CADM2: variants seen among roughly 807,000 people sequenced by gnomAD.
CADM2 encodes the protein immunoglobulin superfamily member 4D.
Under a neutral mutation model 49.8 loss-of-function variants are expected in CADM2, and 12 were observed. The observed-to-expected ratio is 0.24, with a 90% confidence interval of 0.15 to 0.39. The LOEUF is 0.39. Among genes scored for constraint, CADM2 ranks in the 10% least tolerant of loss-of-function variants. The pLI is 1.00. For missense variants in CADM2, 378 were observed against 492.3 expected, an observed-to-expected ratio of 0.77 and a Z score of 2.20; for synonymous variants, 214 against 175.4, an observed-to-expected ratio of 1.22 and a Z score of -1.74.
intron 3 of CADM2, among the ~76,000 whole-genome samples, chr3:85,819,898 T>C (rs549639303): frequency 6.6e-6 from 1 of 152,132 alleles, no homozygotes; most frequent in Non-Finnish European, 1.5e-5. Context: ...GAACATATGG[T>C]TTGTCTGAGA....
chr3:85,280,651 TA>T (rs1302314965), intron 1 of CADM2, among the ~76,000 whole-genome samples: 5 of 151,898 alleles, frequency 3.3e-5, no homozygotes, highest in South Asian at 2.1e-4. Flanking sequence ...GTTTTTTATT[TA>T]AAAAAACTTA....
chr3:85,055,585 T>C (rs1470897522), intron 1 of CADM2, among the ~76,000 whole-genome samples: 1 of 152,102 alleles, frequency 6.6e-6, no homozygotes, highest in Admixed American at 6.6e-5. Context: ...ATTATTGAGC[T>C]TTTATGATAG....
At chr3:85,482,082 A>T (rs1423752794) in intron 1 of CADM2, among the ~76,000 whole-genome samples, 1 of 151,744 alleles carries the variant, frequency 6.6e-6, no homozygotes, top group African/African-American at 2.4e-5. Context: ...AGAAAAAAAT[A>T]CTTGGTTATT....
chr3:85,031,496 ATTTC>A (rs1198999128), intron 1 of CADM2, among the ~76,000 whole-genome samples: 3 of 151,802 alleles, frequency 2.0e-5, no homozygotes, highest in Admixed American at 1.3e-4. Context: ...ATCTTCAGAT[ATTTC>A]TTTATTATTA....
chr3:85,562,088 G>A (rs1464941627), intron 1 of CADM2, among the ~76,000 whole-genome samples: 2 of 152,044 alleles, frequency 1.3e-5, no homozygotes, highest in Non-Finnish European at 2.9e-5. Flanking sequence ...GCTAGGTAAC[G>A]TTCACTAAGC....
chr3:85,385,528 T>C (rs1343704572), intron 1 of CADM2, among the ~76,000 whole-genome samples: 1 of 152,168 alleles, frequency 6.6e-6, no homozygotes, highest in Non-Finnish European at 1.5e-5. Context: ...GAGGTTGGGC[T>C]ATGATGTAGT....
chr3:85,245,755 C>G (rs1188131558), intron 1 of CADM2, among the ~76,000 whole-genome samples: 1 of 152,120 alleles, frequency 6.6e-6, no homozygotes, highest in African/African-American at 2.4e-5. Context: ...TTTATAAATG[C>G]ATTAGCTATA....
chr3:85,417,811 C>T (rs1299054028), intron 1 of CADM2, among the ~76,000 whole-genome samples: 1 of 152,072 alleles, frequency 6.6e-6, no homozygotes, highest in Non-Finnish European at 1.5e-5. Flanking sequence ...CTGTGCTGGT[C>T]TAGAGCAGTG....
intron 1 of CADM2, among the ~76,000 whole-genome samples, chr3:85,622,082 GTGGATAGTCTAT>G (rs1382107519): frequency 2.0e-5 from 3 of 152,144 alleles, no homozygotes; most frequent in African/African-American, 7.2e-5. Flanking sequence ...CTTACCTTAT[GTGGATAGTCTAT>G]TTTCATTAGG....
intron 7 of CADM2, among the ~76,000 whole-genome samples, chr3:85,951,446 CAGTACCA>C (rs542050476): frequency 5.1e-4 from 77 of 151,168 alleles, no homozygotes; most frequent in African/African-American, 1.8e-3. Flanking sequence ...GCTTCTGTTT[CAGTACCA>C]AGTATCTGAA....
chr3:85,331,480 C>T (rs1385942731), intron 1 of CADM2, among the ~76,000 whole-genome samples: 1 of 151,264 alleles, frequency 6.6e-6, no homozygotes, highest in Non-Finnish European at 1.5e-5. Context: ...TATTTTGTGA[C>T]AACACATGAA....
At chr3:85,439,344 G>A (rs575462223) in intron 1 of CADM2, among the ~76,000 whole-genome samples, 1 of 151,552 alleles carries the variant, frequency 6.6e-6, no homozygotes, top group African/African-American at 2.4e-5. Flanking sequence ...CTAGAGATGG[G>A]GTTTCACCAT....
At chr3:85,208,726 A>C (rs1158756562) in intron 1 of CADM2, among the ~76,000 whole-genome samples, 2 of 152,144 alleles carry the variant, frequency 1.3e-5, no homozygotes, top group African/African-American at 4.8e-5. Flanking sequence ...TAGCATTTGA[A>C]ATTGAAATTA....
At chr3:85,979,735 G>A (rs1235704686) in intron 8 of CADM2, among the ~76,000 whole-genome samples, 2 of 151,458 alleles carry the variant, frequency 1.3e-5, no homozygotes, top group African/African-American at 4.8e-5. Flanking sequence ...AATTGACATA[G>A]TCCATGGGGT....
chr3:85,964,317 G>A (rs1027299732), intron 8 of CADM2, among the ~76,000 whole-genome samples: 1 of 151,564 alleles, frequency 6.6e-6, no homozygotes, highest in African/African-American at 2.4e-5. Flanking sequence ...GATTTTTCAC[G>A]AGCTGAGACC....
chr3:85,521,468 G>A (rs998487019), intron 1 of CADM2, among the ~76,000 whole-genome samples: 36 of 152,092 alleles, frequency 2.4e-4, no homozygotes, highest in Middle Eastern at 3.4e-3. Context: ...TTATGTTTGC[G>A]TCTTTGTTTA....
chr3:85,624,074 A>T (rs2064051610), intron 1 of CADM2, among the ~76,000 whole-genome samples: 1 of 152,174 alleles, frequency 6.6e-6, no homozygotes, highest in South Asian at 2.1e-4. Flanking sequence ...ATTTTAAAAT[A>T]TTTAATTGGC....
At chr3:85,880,006 C>T (rs1279398496) in intron 3 of CADM2, among the ~76,000 whole-genome samples, 3 of 152,186 alleles carry the variant, frequency 2.0e-5, no homozygotes, top group African/African-American at 7.2e-5. Context: ...CCTCTACTCT[C>T]CATCGCCCCT....
intron 1 of CADM2, among the ~76,000 whole-genome samples, chr3:85,604,114 A>T (rs2063488199): frequency 6.6e-6 from 1 of 151,904 alleles, no homozygotes; most frequent in African/African-American, 2.4e-5. Context: ...TGTAGGAGAG[A>T]AAGGATAAAT....
Sources: allele counts gnomAD v4.1 joint callset (sites outside exome capture counted in the v4.1 genomes callset), GRCh38; gene constraint gnomAD v4.1.1; transcripts MANE v1.5; gene names NCBI Gene and HGNC (gene_info 2026-07-23, HGNC 2026-07-21).